The following ANKH variants were observed in gnomAD, a reference collection of about 807,000 sequenced individuals.
The protein encoded by ANKH is mineralization regulator ANKH.
In ANKH, 15 loss-of-function variants were observed where a neutral mutation model predicts 49.0. That is an observed-to-expected ratio of 0.31 (90% CI 0.20 to 0.47). The LOEUF (loss-of-function observed/expected upper bound fraction) is 0.47. Among genes scored for constraint, ANKH ranks in the 20% least tolerant of loss-of-function variants. The probability of loss-of-function intolerance (pLI) is 1.00; values close to 1 mark genes in which losing one functional copy is unlikely to be tolerated. For missense variants in ANKH, 429 were observed against 652.0 expected, an observed-to-expected ratio of 0.66 and a Z score of 3.72; for synonymous variants, 273 against 260.0, an observed-to-expected ratio of 1.05 and a Z score of -0.48.
At position 14,871,715 on chromosome 5, in the gene ANKH, G is replaced by GGACGGCGGCGGC. The variant is rs1232135910; in HGVS notation, c.-280_-269dup. On this transcript the variant is annotated 5_prime_UTR_variant, in exon 1 of 12. Transcript: ENST00000284268. Reference sequence around the variant, plus strand: ...GATCTGCCGGGAAAAAAAAGAGGAGGGACGGCGGCGGCGGCGGCGGCGGCA... The same window carrying GGACGGCGGCGGC: ...GATCTGCCGGGAAAAAAAAGAGGAGGGACGGCGGCGGCGACGGCGGCGGCGGCGGCGGCGGCA... 1 of 160,328 alleles carries GGACGGCGGCGGC rather than the reference G, an allele frequency of 6.2e-6. No individual in the cohort carries two copies. Among genetic ancestry groups the GGACGGCGGCGGC allele is most frequent in the African/African-American group, 2.4e-5 (1 of 41,170 alleles). The allele number at this position is 160,328 out of a possible 1,614,324, so 9.9% of individuals were successfully genotyped here.
chr5:14,781,189 C>T (rs1202407636), intron 1 of ANKH, among the ~76,000 whole-genome samples: 2 of 152,128 alleles, frequency 1.3e-5, no homozygotes, highest in African/African-American at 2.4e-5. Flanking sequence ...CTTTATTTTC[C>T]CAGGGATCTA....
At chr5:14,853,704 G>A (rs533025054) in intron 1 of ANKH, among the ~76,000 whole-genome samples, 1 of 151,700 alleles carries the variant, frequency 6.6e-6, no homozygotes, top group African/African-American at 2.4e-5. Context: ...TGCTCTCTTC[G>A]CCCAGGCTGG....
At chr5:14,716,526 G>A (rs2067143242) in intron 9 of ANKH, among the ~76,000 whole-genome samples, 180 bp downstream of exon 9, 1 of 151,586 alleles carries the variant, frequency 6.6e-6, no homozygotes. Flanking sequence ...AAAATAAAAA[G>A]TTATACTGTT....
intron 4 of ANKH, 55 bp downstream of exon 4, chr5:14,755,806 C>T: frequency 6.6e-7 from 1 of 1,513,682 alleles, no homozygotes; most frequent in Non-Finnish European, 9.2e-7. Flanking sequence ...ACATCAGTTA[C>T]ACACGCCAGA....
At chr5:14,750,955 T>C (rs1738694210) in intron 5 of ANKH, 114 bp downstream of exon 5, 12 of 1,365,628 alleles carry the variant, frequency 8.8e-6, no homozygotes, top group South Asian at 3.7e-5. Flanking sequence ...GGGTATGACA[T>C]CCTGGCCAAC....
chr5:14,744,607 C>T (rs1038984313), intron 7 of ANKH, among the ~76,000 whole-genome samples: 3 of 76,304 alleles, frequency 3.9e-5, no homozygotes, highest in African/African-American at 9.8e-5. Context: ...AGAAACTGCT[C>T]GGGAACTGCA....
At chr5:14,827,458 CAT>C (rs1445171012) in intron 1 of ANKH, among the ~76,000 whole-genome samples, 3 of 152,176 alleles carry the variant, frequency 2.0e-5, no homozygotes, top group African/African-American at 4.8e-5. Flanking sequence ...TAAATGCACA[CAT>C]ATGAGACATG....
chr5:14,803,695 T>C (rs1309971203), intron 1 of ANKH, among the ~76,000 whole-genome samples: 1 of 152,230 alleles, frequency 6.6e-6, no homozygotes, highest in African/African-American at 2.4e-5. Context: ...GTTCACTCCG[T>C]GATCTTGGCG....
chr5:14,716,204 T>C (rs1035106567), intron 9 of ANKH, among the ~76,000 whole-genome samples: 28 of 152,200 alleles, frequency 1.8e-4, no homozygotes, highest in Non-Finnish European at 5.9e-5. Flanking sequence ...CACTGCACTT[T>C]TAAAAACAAG....
Position 14,710,929 on chromosome 5 carries a change from CTT to C in ANKH, c.*266_*267del. ...AACGTCAACCGTGAGGCAGCTGTGT[CTT>C]TTGGGTTTTCGTGAGGCAGGGGTAT... On this transcript the variant is annotated 3_prime_UTR_variant, in exon 12 of 12. Transcript: ENST00000284268. 1 of 445,192 alleles carries C rather than the reference CTT, an allele frequency of 2.2e-6. No individual in the cohort carries two copies. The highest frequency in any genetic ancestry group is 4.9e-5 in the East Asian group (1 of 20,356). The allele number at this position is 445,192 out of a possible 1,614,324, so 27.6% of individuals were successfully genotyped here. A position where few individuals can be genotyped will look rare whatever the true frequency, so the allele number is the denominator to read the frequency against.
intron 1 of ANKH, among the ~76,000 whole-genome samples, chr5:14,790,655 TG>T (rs1324314160): frequency 6.6e-6 from 1 of 152,240 alleles, no homozygotes; most frequent in Admixed American, 6.5e-5. Flanking sequence ...TCGCCCAGGC[TG>T]GGGAGCAGTG....
chr5:14,755,001 G>A (rs1273290460), intron 4 of ANKH, among the ~76,000 whole-genome samples: 1 of 150,286 alleles, frequency 6.7e-6, no homozygotes, highest in African/African-American at 2.5e-5. Context: ...ACTTGAACCT[G>A]GGTAGTGGAG....
chr5:14,815,955 T>C (rs1741023944), intron 1 of ANKH, among the ~76,000 whole-genome samples: 1 of 152,204 alleles, frequency 6.6e-6, no homozygotes, highest in African/African-American at 2.4e-5. Flanking sequence ...AATTCTGAAT[T>C]CCAGCCCCTA....
At chr5:14,739,668 A>C (rs564171190) in intron 8 of ANKH, among the ~76,000 whole-genome samples, 73 of 152,362 alleles carry the variant, frequency 4.8e-4, no homozygotes, top group African/African-American at 1.6e-3. Context: ...CTCTGGGAAC[A>C]GTGTGGTTCA....
chr5:14,751,855 C>T (rs1260718903), intron 4 of ANKH, among the ~76,000 whole-genome samples: 2 of 152,162 alleles, frequency 1.3e-5, no homozygotes, highest in East Asian at 1.9e-4. Context: ...AATCTATTTA[C>T]TCATTACCAA....
chr5:14,871,468 C>A lies in ANKH; in HGVS notation c.-21G>T, dbSNP rs756719136. On this transcript the variant is annotated 5_prime_UTR_variant, in exon 1 of 12. Coordinates refer to ENST00000284268, the MANE Select transcript of ANKH (RefSeq NM_054027.6). ...ACCATAGTCCCCGCCGTGGGCTGACCCCACACACATCTGCTGCCGCGAGGG... is the reference window on the plus strand; with the variant it reads ...ACCATAGTCCCCGCCGTGGGCTGACACCACACACATCTGCTGCCGCGAGGG... 27 of 1,600,964 alleles carry A rather than the reference C, an allele frequency of 1.7e-5. No individual in the cohort carries two copies. Among genetic ancestry groups the A allele is most frequent in the Non-Finnish European group, 2.1e-5 (24 of 1,170,296 alleles).
chr5:14,718,196 T>C (rs1441120514), intron 8 of ANKH, among the ~76,000 whole-genome samples: 2 of 151,994 alleles, frequency 1.3e-5, no homozygotes, highest in African/African-American at 4.8e-5. Context: ...CATCCTGGTG[T>C]TTACAGCTTC....
intron 1 of ANKH, among the ~76,000 whole-genome samples, chr5:14,860,726 C>A (rs1735457328): frequency 6.6e-6 from 1 of 152,092 alleles, no homozygotes; most frequent in East Asian, 1.9e-4. Flanking sequence ...AACTCAAATA[C>A]TCTCCTCCAC....
Position 14,798,270 on chromosome 5 carries a change from C to T in ANKH, c.97-29079G>A. ...ATCTGGAAGCCACTGGGCAGTTAGG[C>T]TGGGCCACTCCAGAGCATGGGTCAT... On this transcript the variant is annotated intron_variant, in intron 1 of 11. Coordinates refer to ENST00000284268, the MANE Select transcript of ANKH (RefSeq NM_054027.6). The T allele has an allele frequency of 6.2e-6, 10 of 1,604,078 alleles. No homozygotes were observed. The South Asian group carries it at 1.1e-4, about 18-fold the overall frequency.
Sources: gnomAD v4.1 joint callset for allele counts (sites outside exome capture counted in the v4.1 genomes callset) on GRCh38, gnomAD v4.1.1 for gene constraint, MANE v1.5 for transcripts, NCBI Gene and HGNC (gene_info 2026-07-23, HGNC 2026-07-21) for gene names.